The following PAM variants were observed in gnomAD, a reference collection of about 807,000 sequenced individuals.
PAM encodes peptidylglycine alpha-amidating monooxygenase, also known as peptidyl-glycine alpha-amidating monooxygenase.
A neutral mutation model predicts 122.1 loss-of-function variants in PAM; 72 were observed. That is an observed-to-expected ratio of 0.59 (90% CI 0.49 to 0.72). PAM has a LOEUF of 0.72. Among genes scored for constraint, PAM ranks in the 30% least tolerant of loss-of-function variants. The pLI is 0.00. For synonymous variants in PAM, 389 were observed against 404.4 expected, an observed-to-expected ratio of 0.96 and a Z score of 0.46; for missense variants, 1,106 against 1,183.7, an observed-to-expected ratio of 0.93 and a Z score of 0.96.
chr5:103,030,313 T>C (rs1786076676), downstream of PAM: 2 of 152,236 alleles, frequency 1.3e-5, no homozygotes, highest in South Asian at 4.1e-4. Context: ...TTTACAGTGA[T>C]TGCAGATTAG....
At chr5:103,007,703 T>C in intron 20 of PAM, 46 bp downstream of exon 20, 1 of 1,222,640 alleles carries the variant, frequency 8.2e-7, no homozygotes, top group Non-Finnish European at 1.2e-6. Context: ...TACTGTACTC[T>C]ATCCTTAAAA....
intron 5 of PAM, among the ~76,000 whole-genome samples, chr5:102,924,433 C>CAAAAAAAAA (rs989089756): frequency 1.9e-5 from 1 of 52,218 alleles, no homozygotes; most frequent in African/African-American, 6.1e-5. Context: ...AACTCCGTCT[C>CAAAAAAAAA]AAAAAAAAAA....
At chr5:102,902,915 C>T (rs909186935) in intron 4 of PAM, among the ~76,000 whole-genome samples, 2 of 151,426 alleles carry the variant, frequency 1.3e-5, no homozygotes, top group African/African-American at 4.8e-5. Flanking sequence ...ATTTTAGAAC[C>T]AGTGACTGTA....
At chr5:102,912,531 C>G (rs774790674) in intron 4 of PAM, among the ~76,000 whole-genome samples, 2 of 151,920 alleles carry the variant, frequency 1.3e-5, no homozygotes, top group African/African-American at 2.4e-5. Flanking sequence ...ATCCTGCACT[C>G]AACCTGGCAG....
Position 102,974,441 on chromosome 5 carries a change from G to C in PAM, c.1483+5G>C, listed in dbSNP as rs757890796. The C allele has an allele frequency of 6.3e-7, 1 of 1,593,022 alleles. No homozygotes were observed. Among genetic ancestry groups the C allele is most frequent in the African/African-American group, 1.4e-5 (1 of 74,066 alleles). On this transcript the variant is annotated splice_donor_5th_base_variant and intron_variant, in intron 15 of 25. Transcript: ENST00000438793. ...GGGAACCAGAACACACAGGAGGTGCGTGTAGGGTTTCTTTTAAGCAGTAAA... is the reference window on the plus strand; with the variant it reads ...GGGAACCAGAACACACAGGAGGTGCCTGTAGGGTTTCTTTTAAGCAGTAAA...
At chr5:102,780,856 TC>T (rs1758759804) in intron 1 of PAM, among the ~76,000 whole-genome samples, 2 of 149,198 alleles carry the variant, frequency 1.3e-5, no homozygotes, top group African/African-American at 2.5e-5. Flanking sequence ...TCTCTCTCTC[TC>T]TCTTTCTTTC....
chr5:102,769,686 T>C (rs1755165928), intron 1 of PAM, among the ~76,000 whole-genome samples: 2 of 152,068 alleles, frequency 1.3e-5, no homozygotes, highest in South Asian at 4.1e-4. Flanking sequence ...CTTTTTGGGT[T>C]CTCTGTTCTG....
At chr5:102,795,120 G>A (rs1266383652) in intron 1 of PAM, among the ~76,000 whole-genome samples, 2 of 143,912 alleles carry the variant, frequency 1.4e-5, no homozygotes, top group African/African-American at 5.2e-5. Flanking sequence ...AACCCGGGAG[G>A]TTGAGGCCAT....
In PAM at chr5:102,950,756, G is replaced by T. The variant is rs779890802; in HGVS notation, c.841G>T (p.Gly281Cys). Residue 281 changes from glycine to cysteine, a missense_variant, in exon 12 of 26, where the codon GGT becomes TGT. Around this residue, in one of 3 missense-constraint regions of PAM, gnomAD observed 670 missense variants for 690.3 expected, o/e 0.97. Coordinates refer to ENST00000438793, the MANE Select transcript of PAM (RefSeq NM_001177306.2). ...PVGHPVDVSF[G>C]DLLAARCVFT... ...GGGGCATCCAGTTGATGTAAGTTTT[G>T]GTGACCTACTGGCTGCAAGATGTGT... The T allele has an allele frequency of 1.9e-6, 3 of 1,611,836 alleles. No homozygotes were observed. The Admixed American group carries it at 5.0e-5, about 27-fold the overall frequency.
Position 102,815,136 on chromosome 5 carries a change from G to A in PAM, c.-373-50687G>A, listed in dbSNP as rs112751901. ...CTATGCTACACACTGGGGTCTCCCC[G>A]TCATTTCCCCACTGCAGATCCTTGC... is the stretch of plus-strand genomic sequence containing the variant. On this transcript the variant is annotated intron_variant, in intron 1 of 25. Coordinates refer to ENST00000438793, the MANE Select transcript of PAM (RefSeq NM_001177306.2). Among the ~76,000 whole-genome samples, 1,263 of 152,084 alleles carry A rather than the reference G, an allele frequency of 8.3e-3. 23 individuals carry two copies. The highest frequency in any genetic ancestry group is 0.029 in the African/African-American group (1,193 of 41,468).
intron 7 of PAM, among the ~76,000 whole-genome samples, chr5:102,944,135 A>G (rs974547709): frequency 6.6e-6 from 1 of 152,178 alleles, no homozygotes; most frequent in Admixed American, 6.6e-5. Flanking sequence ...AGCTTCTTGT[A>G]CATGCATATG....
intron 7 of PAM, among the ~76,000 whole-genome samples, chr5:102,939,064 C>T (rs1754217757): frequency 6.6e-6 from 1 of 151,868 alleles, no homozygotes; most frequent in African/African-American, 2.4e-5. Context: ...AAAAGGATAC[C>T]CTAAATAGAT....
intron 1 of PAM, among the ~76,000 whole-genome samples, chr5:102,759,387 G>T (rs1457518850): frequency 6.6e-6 from 1 of 152,156 alleles, no homozygotes; most frequent in East Asian, 1.9e-4. Context: ...AAGTCAGGCA[G>T]AAAATGTTAA....
At chr5:103,026,617 A>T (rs1785006692) in intron 24 of PAM, among the ~76,000 whole-genome samples, 2 of 152,228 alleles carry the variant, frequency 1.3e-5, no homozygotes, top group Admixed American at 6.5e-5. Context: ...TAGATGCTTC[A>T]AAAGAGCAAG....
chr5:102,863,739 T>C (rs988853727), intron 1 of PAM, among the ~76,000 whole-genome samples: 1 of 150,988 alleles, frequency 6.6e-6, no homozygotes, highest in Non-Finnish European at 1.5e-5. Context: ...GATTATTATA[T>C]GTTCTACATT....
At chr5:102,994,296 C>G (rs1775014399) in intron 16 of PAM, among the ~76,000 whole-genome samples, 1 of 152,136 alleles carries the variant, frequency 6.6e-6, no homozygotes, top group Non-Finnish European at 1.5e-5. Flanking sequence ...AAATCTGAGT[C>G]CTGTTACTTC....
chr5:102,845,403 C>A (rs1481060847), intron 1 of PAM, among the ~76,000 whole-genome samples: 1 of 152,124 alleles, frequency 6.6e-6, no homozygotes, highest in Non-Finnish European at 1.5e-5. Context: ...AGAGTCAAAG[C>A]ATAATGTTAA....
intron 1 of PAM, among the ~76,000 whole-genome samples, chr5:102,849,904 G>C (rs1235560484): frequency 6.6e-6 from 1 of 152,102 alleles, no homozygotes; most frequent in African/African-American, 2.4e-5. Flanking sequence ...CTGGGCAAGG[G>C]AATGCTGTTT....
At chr5:102,862,950 A>G (rs1784578436) in intron 1 of PAM, among the ~76,000 whole-genome samples, 1 of 151,752 alleles carries the variant, frequency 6.6e-6, no homozygotes, top group African/African-American at 2.4e-5. Context: ...TGGTTAATAT[A>G]TTTATTTGGC....
Sources: allele counts gnomAD v4.1 joint callset (sites outside exome capture counted in the v4.1 genomes callset), GRCh38; gene constraint gnomAD v4.1.1; regional missense constraint gnomAD v4.1.1; transcripts MANE v1.5; gene names NCBI Gene and HGNC (gene_info 2026-07-23, HGNC 2026-07-21).